The following TRAPPC12 variants were observed in gnomAD, a reference collection of about 807,000 sequenced individuals.
The protein encoded by TRAPPC12 is TPR repeat protein 15.
TRAPPC12 carries 61 observed loss-of-function variants against 69.2 expected under a neutral mutation model. The observed-to-expected ratio is 0.88, with a 90% confidence interval of 0.72 to 1.09. TRAPPC12 has a LOEUF of 1.09. Among genes scored for constraint, TRAPPC12 ranks in the 50% least tolerant of loss-of-function variants. The pLI, the probability that TRAPPC12 is intolerant of heterozygous loss-of-function variation, is 0.00. For missense variants in TRAPPC12, 1,101 were observed against 1,016.4 expected (o/e 1.08, Z -1.13); for synonymous variants, 469 against 438.9 (o/e 1.07, Z -0.86).
chr2:3,393,557 T>C (rs1037152388), intron 2 of TRAPPC12, among the ~76,000 whole-genome samples: 2 of 152,146 alleles, frequency 1.3e-5, no homozygotes, highest in African/African-American at 4.8e-5. Flanking sequence ...TGTTAATTAT[T>C]TCGACTTTGG....
At chr2:3,432,703 C>T (rs980305631) in intron 5 of TRAPPC12, among the ~76,000 whole-genome samples, 1 of 152,150 alleles carries the variant, frequency 6.6e-6, no homozygotes, top group African/African-American at 2.4e-5. Flanking sequence ...TTTCACTTTG[C>T]CCACCGTTTT....
intron 2 of TRAPPC12, among the ~76,000 whole-genome samples, chr2:3,399,248 G>A (rs1473790301): frequency 2.0e-5 from 3 of 152,244 alleles, no homozygotes; most frequent in African/African-American, 7.2e-5. Flanking sequence ...TGGGGATGGA[G>A]GAGTTGAATT....
intron 5 of TRAPPC12, among the ~76,000 whole-genome samples, chr2:3,441,493 G>A (rs932193325): frequency 6.6e-6 from 1 of 151,836 alleles, no homozygotes; most frequent in Non-Finnish European, 1.5e-5. Context: ...ACTAGCCTGG[G>A]GAGAGACTTA....
intron 2 of TRAPPC12, chr2:3,389,880 G>C: frequency 2.2e-6 from 1 of 448,128 alleles, no homozygotes; most frequent in South Asian, 1.6e-5. Flanking sequence ...GTCTCTCCCA[G>C]TGTGGCTGGC....
chr2:3,440,361 T>G (rs1391179017), intron 5 of TRAPPC12, among the ~76,000 whole-genome samples: 1 of 152,242 alleles, frequency 6.6e-6, no homozygotes, highest in Non-Finnish European at 1.5e-5. Flanking sequence ...CTGTGAATTT[T>G]TTCATCAGAG....
intron 9 of TRAPPC12, among the ~76,000 whole-genome samples, chr2:3,467,019 T>C (rs1175647045): frequency 6.6e-6 from 1 of 152,208 alleles, no homozygotes; most frequent in African/African-American, 2.4e-5. Context: ...ATTTGAGAAG[T>C]AGATGCTGAA....
At chr2:3,465,571 A>G in intron 8 of TRAPPC12, 26 bp from the exon 9 acceptor site, 1 of 1,535,798 alleles carries the variant, frequency 6.5e-7, no homozygotes, top group South Asian at 1.1e-5. Context: ...TCAGCTCTAA[A>G]GTACGTTGGG....
intron 8 of TRAPPC12, 187 bp downstream of exon 8, chr2:3,460,523 A>G: frequency 2.0e-6 from 1 of 497,264 alleles, no homozygotes; most frequent in Admixed American, 3.7e-5. Context: ...TTCTACTGCA[A>G]GAAATTTCAA....
intron 5 of TRAPPC12, among the ~76,000 whole-genome samples, chr2:3,441,485 T>C (rs920826939): frequency 1.3e-5 from 2 of 152,094 alleles, no homozygotes; most frequent in Non-Finnish European, 2.9e-5. Flanking sequence ...GTTTTTTGAC[T>C]AGCCTGGGGA....
chr2:3,447,384 C>T (rs1664568307), intron 6 of TRAPPC12, among the ~76,000 whole-genome samples: 1 of 152,192 alleles, frequency 6.6e-6, no homozygotes. Context: ...AGGCATGAGC[C>T]ACTGCGCCTG....
intron 2 of TRAPPC12, among the ~76,000 whole-genome samples, chr2:3,392,716 C>G (rs762339738): frequency 6.6e-6 from 1 of 152,142 alleles, no homozygotes; most frequent in Non-Finnish European, 1.5e-5. Flanking sequence ...GAGAAAGGGA[C>G]CCTTGTGCAC....
At chr2:3,469,886 C>T (rs376136826) in intron 9 of TRAPPC12, among the ~76,000 whole-genome samples, 1 of 152,216 alleles carries the variant, frequency 6.6e-6, no homozygotes, top group Non-Finnish European at 1.5e-5. Context: ...AGTCATGTAA[C>T]ACAAAGCTAA....
At chr2:3,395,427 T>TC (rs1661072840) in intron 2 of TRAPPC12, among the ~76,000 whole-genome samples, 2 of 152,076 alleles carry the variant, frequency 1.3e-5, no homozygotes, top group African/African-American at 2.4e-5. Flanking sequence ...GTTGCAATTT[T>TC]TTTTTTTTTT....
At chr2:3,479,046 C>T (rs1666427249) in intron 11 of TRAPPC12, 113 bp downstream of exon 11, 1 of 1,480,020 alleles carries the variant, frequency 6.8e-7, no homozygotes, top group African/African-American at 1.4e-5. Context: ...AGTCCACCAG[C>T]TCCAGGCAGT....
chr2:3,419,605 T>TC (rs1189344352), intron 3 of TRAPPC12, among the ~76,000 whole-genome samples: 1 of 145,518 alleles, frequency 6.9e-6, no homozygotes, highest in Non-Finnish European at 1.5e-5. Flanking sequence ...AACCACAGAC[T>TC]CCAACTGCAC....
intron 6 of TRAPPC12, chr2:3,456,339 A>C (rs1665150157): frequency 6.6e-6 from 1 of 152,082 alleles, no homozygotes; most frequent in East Asian, 1.9e-4. Flanking sequence ...CCGTGTGGGG[A>C]GTGTTAACTG....
chr2:3,455,282 T>C (rs968656615), intron 6 of TRAPPC12: 1 of 152,242 alleles, frequency 6.6e-6, no homozygotes, highest in Non-Finnish European at 1.5e-5. Flanking sequence ...ATAGGAGATA[T>C]TTTGATACAG....
At chr2:3,386,096 C>T (rs982936524) in intron 1 of TRAPPC12, among the ~76,000 whole-genome samples, 2 of 152,162 alleles carry the variant, frequency 1.3e-5, no homozygotes, top group African/African-American at 2.4e-5. Flanking sequence ...AAATGTATAA[C>T]TTGGATTATG....
At chr2:3,460,035 C>T (rs1665400603) in intron 7 of TRAPPC12, 1 of 617,370 alleles carries the variant, frequency 1.6e-6, no homozygotes, top group Non-Finnish European at 2.9e-6. Flanking sequence ...CCTCCTGGTT[C>T]TCTGATGCCG....
Sources: allele counts gnomAD v4.1 joint callset (sites outside exome capture counted in the v4.1 genomes callset), GRCh38; gene constraint gnomAD v4.1.1; transcripts MANE v1.5; gene names NCBI Gene and HGNC (gene_info 2026-07-23, HGNC 2026-07-21).